The following SMYD3 variants were observed in gnomAD, a reference collection of about 807,000 sequenced individuals.
The protein encoded by SMYD3 is SET and MYND domain containing 3, also known as histone-lysine N-methyltransferase SMYD3.
A neutral mutation model predicts 57.7 loss-of-function variants in SMYD3; 36 were observed. The observed-to-expected ratio is 0.62, with a 90% CI of 0.48 to 0.82. The LOEUF is 0.82. Among genes scored for constraint, SMYD3 ranks in the 40% least tolerant of loss-of-function variants. SMYD3 has a pLI of 0.00. For synonymous variants in SMYD3, 211 were observed against 195.0 expected, an observed-to-expected ratio of 1.08 and a Z score of -0.68; for missense variants, 515 against 538.8, an observed-to-expected ratio of 0.96 and a Z score of 0.44.
chr1:246,154,368 C>T (rs529819502), intron 5 of SMYD3, among the ~76,000 whole-genome samples: 30 of 152,274 alleles, frequency 2.0e-4, no homozygotes, highest in Admixed American at 3.9e-4. Context: ...TAATCTGCCC[C>T]AGTGAGAGAT....
chr1:245,841,971 T>C (rs2148421416), intron 10 of SMYD3, among the ~76,000 whole-genome samples: 1 of 152,306 alleles, frequency 6.6e-6, no homozygotes, highest in African/African-American at 2.4e-5. Context: ...TTTTGCCCTA[T>C]TTTTTCTATG....
At chr1:246,315,646 A>T (rs982255741) in intron 5 of SMYD3, among the ~76,000 whole-genome samples, 2 of 150,786 alleles carry the variant, frequency 1.3e-5, no homozygotes, top group Non-Finnish European at 3.0e-5. Flanking sequence ...TCTGGTTATA[A>T]AGCTCTTCTA....
At chr1:246,375,044 G>T (rs1237440420) in intron 1 of SMYD3, among the ~76,000 whole-genome samples, 1 of 152,104 alleles carries the variant, frequency 6.6e-6, no homozygotes, top group Non-Finnish European at 1.5e-5. Context: ...AGTGAGCCGA[G>T]ATCGCGCTGT....
intron 10 of SMYD3, among the ~76,000 whole-genome samples, chr1:245,808,306 A>C (rs1476530654): frequency 1.3e-5 from 2 of 152,132 alleles, no homozygotes; most frequent in Non-Finnish European, 2.9e-5. Flanking sequence ...CCACCTACGT[A>C]ACACACATAC....
At position 246,048,524 on chromosome 1, in the gene SMYD3, G is replaced by A. The variant is rs144114306; in HGVS notation, c.532-118587C>T. On this transcript the variant is annotated intron_variant, in intron 5 of 11. Coordinates refer to ENST00000490107, the MANE Select transcript of SMYD3 (RefSeq NM_001167740.2). ...TATATCACATTACAGCCATTTCTAC[G>A]GAACATAATGCACACATTATGCAAA... 1.7e-3 allele frequency among the ~76,000 whole-genome samples: 262 copies of A among 152,114 alleles called. 1 individual carries two copies. Among genetic ancestry groups the A allele is most frequent in the African/African-American group, 5.8e-3 (240 of 41,504 alleles).
intron 10 of SMYD3, among the ~76,000 whole-genome samples, chr1:245,765,133 TC>T (rs1176276559): frequency 1.3e-5 from 2 of 149,716 alleles, no homozygotes; most frequent in Non-Finnish European, 3.0e-5. Context: ...ACACCTGTAA[TC>T]CCAGCACTTT....
At chr1:246,310,901 C>CTCG (rs2065066050) in intron 5 of SMYD3, among the ~76,000 whole-genome samples, 1 of 151,938 alleles carries the variant, frequency 6.6e-6, no homozygotes, top group Non-Finnish European at 1.5e-5. Context: ...AACTCCTGAC[C>CTCG]TCGTGATCCA....
At chr1:246,128,394 G>T (rs1256365030) in intron 5 of SMYD3, among the ~76,000 whole-genome samples, 2 of 152,228 alleles carry the variant, frequency 1.3e-5, no homozygotes, top group Admixed American at 1.3e-4. Context: ...ATGCTGAAAA[G>T]TGTCTGGAAC....
intron 5 of SMYD3, among the ~76,000 whole-genome samples, chr1:246,260,049 T>C (rs898307138): frequency 6.6e-6 from 1 of 152,126 alleles, no homozygotes; most frequent in Non-Finnish European, 1.5e-5. Flanking sequence ...AAGCAGGTGT[T>C]CTGAATACCT....
At chr1:246,281,141 G>T (rs1424126845) in intron 5 of SMYD3, among the ~76,000 whole-genome samples, 5 of 152,180 alleles carry the variant, frequency 3.3e-5, no homozygotes, top group African/African-American at 1.2e-4. Flanking sequence ...TCATTGAAAA[G>T]ATACATCTGA....
intron 5 of SMYD3, among the ~76,000 whole-genome samples, chr1:246,177,366 A>T (rs1044310947): frequency 6.6e-6 from 1 of 152,226 alleles, no homozygotes; most frequent in African/African-American, 2.4e-5. Context: ...ACTCATTATT[A>T]TTTAAGCCAG....
At chr1:246,214,602 A>C (rs2063136617) in intron 5 of SMYD3, among the ~76,000 whole-genome samples, 1 of 152,190 alleles carries the variant, frequency 6.6e-6, no homozygotes, top group African/African-American at 2.4e-5. Flanking sequence ...GTATGCCTCC[A>C]AGAAGTAAGG....
intron 5 of SMYD3, among the ~76,000 whole-genome samples, chr1:246,324,966 CAAGGAAGGAGAAGGAGTCAGGGGGCGGG>C (rs2065314548): frequency 7.8e-6 from 1 of 128,422 alleles, no homozygotes; most frequent in African/African-American, 3.0e-5. Flanking sequence ...CTTTCATGAA[CAAGGAAGGAGAAGGAGTCAGGGGGCGGG>C]AAGGAGGGAG....
At chr1:246,494,620 T>C (rs1182605354) in intron 1 of SMYD3, among the ~76,000 whole-genome samples, 1 of 152,246 alleles carries the variant, frequency 6.6e-6, no homozygotes, top group African/African-American at 2.4e-5. Context: ...CCAGAGAAAC[T>C]GTTACCTACT....
chr1:246,422,996 G>A (rs2067165021), intron 1 of SMYD3, among the ~76,000 whole-genome samples: 1 of 152,118 alleles, frequency 6.6e-6, no homozygotes, highest in Non-Finnish European at 1.5e-5. Flanking sequence ...TAAGTGTTAG[G>A]AAGGAAAATG....
At position 245,873,114 on chromosome 1, in the gene SMYD3, T is replaced by C. The variant is rs116074033; in HGVS notation, c.814-9228A>G. 8.7e-3 allele frequency among the ~76,000 whole-genome samples: 1,326 copies of C among 152,330 alleles called. 18 individuals are homozygous for C. Among genetic ancestry groups the C allele is most frequent in the African/African-American group, 0.03 (1,227 of 41,572 alleles). ...TGGTGCTTGCTAAAAATGAGCCTTC[T>C]GTAGAAAAGCATTTTGTAGAAAACT... On this transcript the variant is annotated intron_variant, in intron 8 of 11. Coordinates refer to ENST00000490107, the MANE Select transcript of SMYD3 (RefSeq NM_001167740.2).
At chr1:246,131,507 C>T (rs955862908) in intron 5 of SMYD3, among the ~76,000 whole-genome samples, 1 of 152,156 alleles carries the variant, frequency 6.6e-6, no homozygotes. Flanking sequence ...ATGATAATAA[C>T]AAGGAAAGAA....
At chr1:245,764,850 G>A (rs1039798025) in intron 10 of SMYD3, among the ~76,000 whole-genome samples, 3 of 152,148 alleles carry the variant, frequency 2.0e-5, no homozygotes, top group Non-Finnish European at 2.9e-5. Context: ...GAAAGAGGAC[G>A]CACACGACTC....
At chr1:246,123,274 T>C (rs775351365) in intron 5 of SMYD3, among the ~76,000 whole-genome samples, 1 of 152,102 alleles carries the variant, frequency 6.6e-6, no homozygotes, top group African/African-American at 2.4e-5. Flanking sequence ...ACAGCCTACA[T>C]CATTCTGCAT....
Sources: gnomAD v4.1 joint callset for allele counts (sites outside exome capture counted in the v4.1 genomes callset) on GRCh38, gnomAD v4.1.1 for gene constraint, MANE v1.5 for transcripts, NCBI Gene and HGNC (gene_info 2026-07-23, HGNC 2026-07-21) for gene names.